PCNX1: variants seen among roughly 807,000 people sequenced by gnomAD.
PCNX1 encodes pecanex 1, also known as pecanex-like protein 1.
Under a neutral mutation model 242.2 loss-of-function variants are expected in PCNX1, and 78 were observed. The observed-to-expected ratio is 0.32, with a 90% CI of 0.27 to 0.39. The LOEUF is 0.39. PCNX1 is among the 10% of genes least tolerant of loss of function. The probability of loss-of-function intolerance (pLI) is 1.00; values close to 1 mark genes in which losing one functional copy is unlikely to be tolerated. For missense variants in PCNX1, 2,581 were observed against 2,856.5 expected (o/e 0.90, Z 2.20); for synonymous variants, 1,024 against 1,032.9 (o/e 0.99, Z 0.17).
intron 8 of PCNX1, among the ~76,000 whole-genome samples, chr14:71,002,853 T>G (rs972723898): frequency 4.1e-4 from 63 of 152,290 alleles, no homozygotes; most frequent in African/African-American, 1.4e-3. Flanking sequence ...CACCACCAAA[T>G]TCCAGTAGTT....
chr14:70,975,966 G>A (rs2058675753), intron 5 of PCNX1, among the ~76,000 whole-genome samples: 1 of 151,824 alleles, frequency 6.6e-6, no homozygotes, highest in Non-Finnish European at 1.5e-5. Context: ...TGTAATTATT[G>A]CTGTTTTTAC....
intron 3 of PCNX1, among the ~76,000 whole-genome samples, chr14:70,965,769 G>A (rs1348855703): frequency 6.6e-6 from 1 of 152,054 alleles, no homozygotes; most frequent in African/African-American, 2.4e-5. Context: ...CAGCTGGAGA[G>A]ACAGGCATGG....
At chr14:71,105,482 G>A in intron 33 of PCNX1, 42 bp downstream of exon 33, 2 of 1,452,064 alleles carry the variant, frequency 1.4e-6, no homozygotes, top group Non-Finnish European at 1.9e-6. Context: ...TAGCTTCTTA[G>A]CCATAGAGGC....
At chr14:71,043,494 T>TCTCCCTCC in intron 19 of PCNX1, among the ~76,000 whole-genome samples, 1 of 150,946 alleles carries the variant, frequency 6.6e-6, no homozygotes, top group Non-Finnish European at 1.5e-5. Flanking sequence ...TCCTTCCCTC[T>TCTCCCTCC]CTCCCTCCCT....
chr14:71,068,356 ATGTATACATACATGTATACATATATGTG>A (rs2061499171), intron 26 of PCNX1, among the ~76,000 whole-genome samples: 1 of 151,118 alleles, frequency 6.6e-6, no homozygotes, highest in Non-Finnish European at 1.5e-5. Context: ...GTGTATATAT[ATGTATACATACATGTATACATATATGTG>A]TGTATATTTA....
chr14:71,051,964 T>G lies in PCNX1; in HGVS notation c.4529T>G (p.Phe1510Cys). 6.2e-7 allele frequency: 1 copy of G among 1,612,678 alleles called. No individual in the cohort carries two copies. The highest frequency in any genetic ancestry group is 8.5e-7 in the Non-Finnish European group (1 of 1,178,794). Reference protein sequence around the residue: ...PLNPFLGSAIFITSYVRPVKF... With the variant: ...PLNPFLGSAICITSYVRPVKF... ...AACCCCTTTCTGGGAAGTGCAATAT[T>G]CATCACTTCATATGTCCGACCTGTG... Residue 1510 changes from phenylalanine (F) to cysteine (C), a missense_variant, in exon 24 of 36, where the codon TTC becomes TGC. Phe to Cys is a radical substitution (Grantham distance 205, BLOSUM62 -2). This residue lies in a region of PCNX1 where 99 missense variants were observed against 147.3 expected (regional missense o/e 0.67). Coordinates refer to ENST00000304743, the MANE Select transcript of PCNX1 (RefSeq NM_014982.3).
At chr14:71,055,415 A>T (rs1204165993) in intron 24 of PCNX1, 89 bp from the exon 25 acceptor site, 1 of 750,564 alleles carries the variant, frequency 1.3e-6, no homozygotes, top group Non-Finnish European at 2.3e-6. Context: ...CCTTTATTTT[A>T]TACATTTCCT....
intron 7 of PCNX1, 123 bp downstream of exon 7, chr14:70,988,822 T>G (rs1168666520): frequency 1.4e-5 from 18 of 1,245,574 alleles, no homozygotes; most frequent in Non-Finnish European, 2.0e-5. Context: ...TTCTTTCCTA[T>G]ACATTTAAGC....
At chr14:71,015,445 T>C (rs540768862) in intron 11 of PCNX1, among the ~76,000 whole-genome samples, 53 of 152,300 alleles carry the variant, frequency 3.5e-4, no homozygotes, top group Non-Finnish European at 6.8e-4. Flanking sequence ...AAAAGCATAC[T>C]ATTGTAAGTT....
intron 1 of PCNX1, among the ~76,000 whole-genome samples, chr14:70,943,800 C>A (rs944287376): frequency 2.0e-5 from 3 of 152,150 alleles, no homozygotes; most frequent in African/African-American, 7.2e-5. Flanking sequence ...CAGGGCCTTG[C>A]TGCTTTGCAC....
chr14:70,981,932 ATTGT>A (rs1255454981), intron 6 of PCNX1, among the ~76,000 whole-genome samples: 2 of 152,094 alleles, frequency 1.3e-5, no homozygotes, highest in African/African-American at 4.8e-5. Context: ...TTTTTTCTGA[ATTGT>A]TTAACTTCTA....
rs79054972 is a variant in PCNX1, at chr14:71,086,196, C to T, written c.5338-2134C>T. ...TTCTACAAATCTTCCATGTCTCATT[C>T]AACATGCTCAGTCATTCCTCTGCCT... On this transcript the variant is annotated intron_variant, in intron 28 of 35. Coordinates refer to ENST00000304743, the MANE Select transcript of PCNX1 (RefSeq NM_014982.3). Among the ~76,000 whole-genome samples, 500 of 152,294 alleles carry T rather than the reference C, an allele frequency of 3.3e-3. 4 individuals are homozygous for T. Among genetic ancestry groups the T allele is most frequent in the East Asian group, 0.024 (123 of 5,186 alleles).
chr14:70,964,029 T>G (rs74410431), intron 3 of PCNX1, among the ~76,000 whole-genome samples: 2,466 of 152,278 alleles, frequency 0.016, 25 homozygotes, highest in South Asian at 0.035. Context: ...GTTTGTTTGT[T>G]TAAAGAATGT....
intron 1 of PCNX1, among the ~76,000 whole-genome samples, chr14:70,928,387 C>T (rs2056668367): frequency 6.6e-6 from 1 of 152,102 alleles, no homozygotes; most frequent in Admixed American, 6.6e-5. Context: ...TAGAATATAT[C>T]AGGAACAAAT....
intron 2 of PCNX1, among the ~76,000 whole-genome samples, chr14:70,957,800 G>A (rs59782613): frequency 0.012 from 1,864 of 151,638 alleles, 42 homozygotes; most frequent in African/African-American, 0.043. Flanking sequence ...GTTGACATAT[G>A]TGTATGTATA....
At chr14:70,915,520 G>A (rs1376380988) in intron 1 of PCNX1, among the ~76,000 whole-genome samples, 1 of 152,092 alleles carries the variant, frequency 6.6e-6, no homozygotes, top group Non-Finnish European at 1.5e-5. Flanking sequence ...CTGTTTTCAA[G>A]TCTCCTATTT....
In PCNX1 at chr14:70,926,593, CCT is replaced by C. The variant is rs140629617; in HGVS notation, c.153+18592_153+18593del. 9.0e-3 allele frequency among the ~76,000 whole-genome samples: 1,365 copies of C among 152,146 alleles called. 10 individuals are homozygous for C. Among genetic ancestry groups the C allele is most frequent in the Non-Finnish European group, 0.012 (843 of 68,010 alleles). ...GGGTAGAAACCAAGGGGATTTTAAA[CCT>C]CCTATAATGCACATGACAGCGCCCC... On this transcript the variant is annotated intron_variant, in intron 1 of 35. Coordinates refer to ENST00000304743, the MANE Select transcript of PCNX1 (RefSeq NM_014982.3).
In PCNX1 at chr14:71,088,438, A is replaced by G; in HGVS notation, c.5438+8A>G. On this transcript the variant is annotated splice_region_variant and intron_variant, in intron 29 of 35. Coordinates refer to ENST00000304743, the MANE Select transcript of PCNX1 (RefSeq NM_014982.3). ...ATCCCATCATATGTCCAGGTAAAGA[A>G]GGCATTTCTGTTCTGAGGAAGAGAG... 1.3e-6 allele frequency: 2 copies of G among 1,541,706 alleles called. No homozygotes were observed. Among genetic ancestry groups the G allele is most frequent in the Non-Finnish European group, 1.8e-6 (2 of 1,114,580 alleles).
At chr14:70,949,280 T>C (rs1169862469) in intron 2 of PCNX1, among the ~76,000 whole-genome samples, 1 of 38,022 alleles carries the variant, frequency 2.6e-5, no homozygotes, top group African/African-American at 7.8e-5. Context: ...CACACACGTG[T>C]ATACACACAC....
Sources: allele counts gnomAD v4.1 joint callset (sites outside exome capture counted in the v4.1 genomes callset), GRCh38; gene constraint gnomAD v4.1.1; regional missense constraint gnomAD v4.1.1; transcripts MANE v1.5; gene names NCBI Gene and HGNC (gene_info 2026-07-23, HGNC 2026-07-21).